The following LYPD6B variants were observed in gnomAD, a reference collection of about 807,000 sequenced individuals.
The protein encoded by LYPD6B is ly6/PLAUR domain-containing protein 6B.
Under a neutral mutation model 22.8 loss-of-function variants are expected in LYPD6B, and 17 were observed. The ratio of observed to expected loss-of-function variants is 0.75; its 90% confidence interval spans 0.51 to 1.12. LYPD6B has a LOEUF of 1.12. Ranked by LOEUF, LYPD6B falls within the 50% of genes most tolerant of loss-of-function variation. The probability of loss-of-function intolerance (pLI) is 0.00; values close to 1 mark genes in which losing one functional copy is unlikely to be tolerated. For missense variants in LYPD6B, 221 were observed against 258.3 expected, an observed-to-expected ratio of 0.86 and a Z score of 0.99; for synonymous variants, 106 against 91.6, an observed-to-expected ratio of 1.16 and a Z score of -0.90.
At chr2:149,095,629 A>G (rs1685868846) in intron 1 of LYPD6B, among the ~76,000 whole-genome samples, 1 of 152,168 alleles carries the variant, frequency 6.6e-6, no homozygotes, top group South Asian at 2.1e-4. Flanking sequence ...CAAAACCATG[A>G]ACTAGGCCAT....
intron 1 of LYPD6B, among the ~76,000 whole-genome samples, chr2:149,123,537 A>G (rs1180859768): frequency 6.6e-6 from 1 of 152,176 alleles, no homozygotes; most frequent in Admixed American, 6.5e-5. Flanking sequence ...TGTCCTCTTC[A>G]TGAGAAAAGG....
chr2:149,117,149 G>A (rs1260113316), intron 1 of LYPD6B, among the ~76,000 whole-genome samples: 1 of 151,642 alleles, frequency 6.6e-6, no homozygotes, highest in African/African-American at 2.4e-5. Context: ...CTACATTGCT[G>A]ATAATTTTCC....
intron 5 of LYPD6B, among the ~76,000 whole-genome samples, chr2:149,209,627 T>A (rs1370860123): frequency 6.6e-6 from 1 of 152,214 alleles, no homozygotes; most frequent in Non-Finnish European, 1.5e-5. Flanking sequence ...TAGCTTTACC[T>A]CTTCCAGTTA....
intron 2 of LYPD6B, among the ~76,000 whole-genome samples, chr2:149,158,347 T>A (rs1364554909): frequency 6.6e-6 from 1 of 152,196 alleles, no homozygotes; most frequent in Non-Finnish European, 1.5e-5. Context: ...TAAAAAGGAA[T>A]GATATTCTGA....
chr2:149,062,552 A>G (rs1436480622), intron 1 of LYPD6B, among the ~76,000 whole-genome samples: 5 of 152,190 alleles, frequency 3.3e-5, no homozygotes, highest in Non-Finnish European at 7.3e-5. Context: ...AACCCAGAAA[A>G]GCTTACGTTA....
intron 2 of LYPD6B, among the ~76,000 whole-genome samples, chr2:149,141,302 T>C (rs1435663623): frequency 1.3e-5 from 2 of 152,176 alleles, no homozygotes; most frequent in Admixed American, 6.5e-5. Flanking sequence ...AGGGCCACAA[T>C]TGTACTTGGT....
intron 3 of LYPD6B, among the ~76,000 whole-genome samples, chr2:149,201,240 T>G (rs1331732550): frequency 6.6e-6 from 1 of 152,214 alleles, no homozygotes; most frequent in South Asian, 2.1e-4. Flanking sequence ...TCTAGACACA[T>G]AATTTTGCAA....
intron 3 of LYPD6B, chr2:149,187,481 A>T (rs1692193059): frequency 6.6e-7 from 1 of 1,516,436 alleles, no homozygotes; most frequent in Non-Finnish European, 8.8e-7. Context: ...AAACAAAGGA[A>T]ATGCAGAAGA....
intron 1 of LYPD6B, among the ~76,000 whole-genome samples, chr2:149,076,332 C>G (rs1016080470): frequency 6.6e-6 from 1 of 152,026 alleles, no homozygotes; most frequent in African/African-American, 2.4e-5. Flanking sequence ...TGATTTTCTT[C>G]TTAAAGAGAA....
chr2:149,065,374 A>C (rs141927573), intron 1 of LYPD6B, among the ~76,000 whole-genome samples: 2 of 152,282 alleles, frequency 1.3e-5, no homozygotes, highest in African/African-American at 4.8e-5. Flanking sequence ...TGATTATCTT[A>C]ATTTCATTGG....
chr2:149,110,428 C>T (rs1174315624), intron 1 of LYPD6B, among the ~76,000 whole-genome samples: 1 of 152,050 alleles, frequency 6.6e-6, no homozygotes, highest in Non-Finnish European at 1.5e-5. Flanking sequence ...TATATTTTTG[C>T]ATTCCTGTAA....
Position 149,140,131 on chromosome 2 carries a change from T to C in LYPD6B, c.5+9178T>C, listed in dbSNP as rs971957630. On this transcript the variant is annotated intron_variant, in intron 2 of 6. Coordinates refer to ENST00000409642, the MANE Select transcript of LYPD6B (RefSeq NM_177964.5). ...TATATAACCTGCTCCCAGAGGACCATGTGCATGTGGGAGGGATTGGACAGA... is the reference window on the plus strand; with the variant it reads ...TATATAACCTGCTCCCAGAGGACCACGTGCATGTGGGAGGGATTGGACAGA... Among the ~76,000 whole-genome samples, 13 of 152,206 alleles carry C rather than the reference T, an allele frequency of 8.5e-5. 1 individual carries two copies. The highest frequency in any genetic ancestry group is 5.2e-4 in the Admixed American group (8 of 15,300).
At chr2:149,042,511 C>G (rs1275534240) in intron 1 of LYPD6B, among the ~76,000 whole-genome samples, 1 of 152,202 alleles carries the variant, frequency 6.6e-6, no homozygotes, top group Admixed American at 6.5e-5. Context: ...AGCAACAATA[C>G]TGCCATGGGC....
chr2:149,111,614 T>G (rs1448032569), intron 1 of LYPD6B, among the ~76,000 whole-genome samples: 1 of 152,128 alleles, frequency 6.6e-6, no homozygotes, highest in African/African-American at 2.4e-5. Flanking sequence ...AGTTTGAGAT[T>G]TTCTATAAAG....
intron 1 of LYPD6B, among the ~76,000 whole-genome samples, chr2:149,121,095 T>A (rs1471480592): frequency 1.3e-5 from 2 of 152,146 alleles, no homozygotes; most frequent in African/African-American, 4.8e-5. Flanking sequence ...CCTGGCAAAG[T>A]CTTAATGATA....
At chr2:149,123,096 AAGG>A (rs1173267108) in intron 1 of LYPD6B, among the ~76,000 whole-genome samples, 2 of 152,192 alleles carry the variant, frequency 1.3e-5, no homozygotes, top group Non-Finnish European at 2.9e-5. Context: ...GTAGTTCCAG[AAGG>A]GAAGGTGGCA....
intron 2 of LYPD6B, among the ~76,000 whole-genome samples, chr2:149,141,220 G>T (rs1217514969): frequency 6.6e-6 from 1 of 152,138 alleles, no homozygotes; most frequent in Non-Finnish European, 1.5e-5. Flanking sequence ...GTGAATGCAG[G>T]GAGTAAGCCA....
At chr2:149,165,302 G>A (rs560417193) in intron 3 of LYPD6B, among the ~76,000 whole-genome samples, 3 of 152,276 alleles carry the variant, frequency 2.0e-5, no homozygotes, top group Admixed American at 6.5e-5. Flanking sequence ...TTCAAGGGGA[G>A]GGCATTGGAA....
chr2:149,139,613 G>A (rs779701693), intron 2 of LYPD6B, among the ~76,000 whole-genome samples: 1 of 152,050 alleles, frequency 6.6e-6, no homozygotes. Context: ...CAAGCAAAGA[G>A]GTATCATAAT....
Sources: allele counts gnomAD v4.1 joint callset (sites outside exome capture counted in the v4.1 genomes callset), GRCh38; gene constraint gnomAD v4.1.1; transcripts MANE v1.5; gene names NCBI Gene and HGNC (gene_info 2026-07-23, HGNC 2026-07-21).